GHR: variants seen among roughly 807,000 people sequenced by gnomAD.
The protein encoded by GHR is growth hormone receptor, also known as GH receptor.
Under a neutral mutation model 67.1 loss-of-function variants are expected in GHR, and 35 were observed. The observed-to-expected ratio is 0.52, with a 90% CI of 0.40 to 0.69. GHR has a LOEUF of 0.69. Ranked by LOEUF, GHR falls within the 30% of genes least tolerant of loss-of-function variation. The pLI is 0.00. For synonymous variants in GHR, 272 were observed against 269.1 expected, an observed-to-expected ratio of 1.01 and a Z score of -0.10; for missense variants, 792 against 764.6, an observed-to-expected ratio of 1.04 and a Z score of -0.42.
rs183344890 is a variant in GHR at position 42,661,341 on chromosome 5, G to A, written c.137-27549G>A. Among the ~76,000 whole-genome samples the A allele has an allele frequency of 9.2e-5, 14 of 152,282 alleles. No homozygotes were observed. In the East Asian group the frequency reaches 2.7e-3, roughly 29 times the overall value. ...GTTGAAACGAAGGAAAAAATGTTCAGGGCAGCCAGAGAGAAAGGTCGGGTT... is the reference window on the plus strand; with the variant it reads ...GTTGAAACGAAGGAAAAAATGTTCAAGGCAGCCAGAGAGAAAGGTCGGGTT... On this transcript the variant is annotated intron_variant, in intron 3 of 9. Coordinates refer to ENST00000230882, the MANE Select transcript of GHR (RefSeq NM_000163.5).
chr5:42,696,175 C>T (rs536157827), intron 5 of GHR, among the ~76,000 whole-genome samples: 1 of 152,302 alleles, frequency 6.6e-6, no homozygotes, highest in South Asian at 2.1e-4. Context: ...ATAGCCAGTC[C>T]TACTCATTTA....
intron 2 of GHR, among the ~76,000 whole-genome samples, chr5:42,587,376 T>C (rs1356102889): frequency 1.3e-5 from 2 of 152,150 alleles, no homozygotes; most frequent in Non-Finnish European, 2.9e-5. Context: ...AAACAGAAGA[T>C]TGGTAACTTG....
At chr5:42,704,171 AC>A (rs1758064335) in intron 6 of GHR, among the ~76,000 whole-genome samples, 1 of 151,930 alleles carries the variant, frequency 6.6e-6, no homozygotes, top group Non-Finnish European at 1.5e-5. Context: ...TCCACATTTC[AC>A]TGTTTATTAT....
chr5:42,529,157 G>A (rs1209828308), intron 1 of GHR, among the ~76,000 whole-genome samples: 2 of 151,806 alleles, frequency 1.3e-5, no homozygotes, highest in Non-Finnish European at 2.9e-5. Context: ...AACTACAGGT[G>A]CCCACCACAA....
chr5:42,681,920 G>A (rs1328150651), intron 3 of GHR, among the ~76,000 whole-genome samples: 2 of 139,060 alleles, frequency 1.4e-5, no homozygotes, highest in African/African-American at 2.7e-5. Flanking sequence ...TGGGCAAAAG[G>A]GCAAGACTCC....
At chr5:42,498,675 A>C (rs1208466566) in intron 1 of GHR, among the ~76,000 whole-genome samples, 1 of 152,244 alleles carries the variant, frequency 6.6e-6, no homozygotes, top group Admixed American at 6.5e-5. Context: ...GGACAAGCCA[A>C]CCAAGTTTGT....
intron 2 of GHR, among the ~76,000 whole-genome samples, chr5:42,592,639 A>G (rs1412434249): frequency 6.6e-6 from 1 of 152,188 alleles, no homozygotes; most frequent in African/African-American, 2.4e-5. Flanking sequence ...TATATGTATC[A>G]CATTTTCTTT....
At chr5:42,681,438 C>G (rs1488166538) in intron 3 of GHR, among the ~76,000 whole-genome samples, 1 of 152,036 alleles carries the variant, frequency 6.6e-6, no homozygotes, top group Non-Finnish European at 1.5e-5. Flanking sequence ...GAATGGCGAT[C>G]GTTAAAAAGT....
At chr5:42,544,155 C>T (rs1003529962) in intron 1 of GHR, among the ~76,000 whole-genome samples, 1 of 152,046 alleles carries the variant, frequency 6.6e-6, no homozygotes, top group African/African-American at 2.4e-5. Flanking sequence ...TCCTCCTATG[C>T]CCTCATCCCT....
At chr5:42,711,520 A>T in intron 7 of GHR, 148 bp downstream of exon 7, 1 of 691,448 alleles carries the variant, frequency 1.4e-6, no homozygotes, top group Non-Finnish European at 2.6e-6. Flanking sequence ...CACTATCTGT[A>T]ACAGATATTG....
intron 1 of GHR, among the ~76,000 whole-genome samples, chr5:42,534,122 GTA>G (rs201325838): frequency 0.012 from 1,716 of 139,314 alleles, 17 homozygotes; most frequent in Middle Eastern, 0.022. Context: ...ATATATGTAT[GTA>G]TATATATGTA....
intron 3 of GHR, among the ~76,000 whole-genome samples, chr5:42,683,965 G>GTT (rs781000927): frequency 6.8e-6 from 1 of 146,320 alleles, no homozygotes; most frequent in African/African-American, 2.5e-5. Context: ...TTCTTTTTAA[G>GTT]TTTTTTTTTT....
intron 2 of GHR, among the ~76,000 whole-genome samples, chr5:42,580,971 C>T (rs1330112428): frequency 6.6e-6 from 1 of 152,168 alleles, no homozygotes; most frequent in Non-Finnish European, 1.5e-5. Flanking sequence ...TTTCGTATTC[C>T]TTGAAAATTA....
At chr5:42,474,295 G>GAGAAAAAGAAAGAAAGAA (rs1554054587) in intron 1 of GHR, among the ~76,000 whole-genome samples, 1 of 81,070 alleles carries the variant, frequency 1.2e-5, no homozygotes, top group Non-Finnish European at 2.4e-5. Context: ...AAAAGAGAAA[G>GAGAAAAAGAAAGAAAGAA]AGAAAGAAAG....
intron 1 of GHR, among the ~76,000 whole-genome samples, chr5:42,525,978 G>A (rs1157589082): frequency 6.6e-6 from 1 of 152,118 alleles, no homozygotes; most frequent in African/African-American, 2.4e-5. Context: ...TCAGCAGCAT[G>A]AAAACAAACT....
At chr5:42,529,957 G>A (rs1303277856) in intron 1 of GHR, among the ~76,000 whole-genome samples, 1 of 150,432 alleles carries the variant, frequency 6.6e-6, no homozygotes, top group Non-Finnish European at 1.5e-5. Context: ...TTCCGGAATG[G>A]GAATAGGAAA....
At chr5:42,434,698 T>C (rs1327218392) in intron 1 of GHR, among the ~76,000 whole-genome samples, 1 of 152,214 alleles carries the variant, frequency 6.6e-6, no homozygotes, top group African/African-American at 2.4e-5. Flanking sequence ...AGAAGGATGA[T>C]AGTTAGCTAT....
At chr5:42,430,871 C>CGTCTAAGG (rs1743064448) in intron 1 of GHR, among the ~76,000 whole-genome samples, 1 of 152,072 alleles carries the variant, frequency 6.6e-6, no homozygotes, top group Non-Finnish European at 1.5e-5. Flanking sequence ...CAAAGGTTTA[C>CGTCTAAGG]TTTGCTATAA....
chr5:42,617,304 C>T (rs114282236), intron 2 of GHR, among the ~76,000 whole-genome samples: 2 of 151,012 alleles, frequency 1.3e-5, no homozygotes, highest in Non-Finnish European at 3.0e-5. Flanking sequence ...AATAGCAAAC[C>T]AAACTCATTT....
Sources: gnomAD v4.1 joint callset for allele counts (sites outside exome capture counted in the v4.1 genomes callset) on GRCh38, gnomAD v4.1.1 for gene constraint, MANE v1.5 for transcripts, NCBI Gene and HGNC (gene_info 2026-07-23, HGNC 2026-07-21) for gene names.